The following COA6 variants were observed in gnomAD, a reference collection of about 807,000 sequenced individuals.
The protein encoded by COA6 is cytochrome c oxidase assembly factor 6 homolog.
Under a neutral mutation model 17.1 loss-of-function variants are expected in COA6, and 12 were observed. That is an observed-to-expected ratio of 0.70 (90% CI 0.45 to 1.14). COA6 has a LOEUF of 1.14. Ranked by LOEUF, COA6 falls within the 50% of genes most tolerant of loss-of-function variation. COA6 has a pLI of 0.00. For missense variants in COA6, 246 were observed against 196.5 expected (o/e 1.25, Z -1.51); for synonymous variants, 90 against 73.4 (o/e 1.23, Z -1.16).
chr1:234,380,527 TA>T (rs1658942263), intron 2 of COA6, among the ~76,000 whole-genome samples: 1 of 152,164 alleles, frequency 6.6e-6, no homozygotes, highest in Non-Finnish European at 1.5e-5. Context: ...AGCCACGAAA[TA>T]AAGATAAAAA....
At chr1:234,377,136 G>GTTGTTGTTGTTT (rs1658831260) in intron 2 of COA6, among the ~76,000 whole-genome samples, 2 of 58,974 alleles carry the variant, frequency 3.4e-5, no homozygotes, top group Non-Finnish European at 2.8e-5. Flanking sequence ...TGTTTTTTTT[G>GTTGTTGTTGTTT]TTGTTGTTGA....
chr1:234,376,143 G>A (rs144534055), intron 2 of COA6, among the ~76,000 whole-genome samples: 109 of 152,270 alleles, frequency 7.2e-4, no homozygotes, highest in Non-Finnish European at 1.2e-3. Flanking sequence ...TTTCCCATTA[G>A]ACAGATGCAT....
Position 234,373,577 on chromosome 1 carries a change from T to G in COA6, c.111T>G (p.Ser37Arg). Residue 37 changes from serine (S) to arginine (R), a missense_variant, in exon 1 of 3, where the codon AGT (serine) becomes AGG (arginine). Ser to Arg is a moderately radical substitution (Grantham distance 110). Transcript: ENST00000366615. ...LELEPAGRPC[S>R]GRTRHRALHR... Reference sequence around the variant, plus strand: ...TTGAGCCAGCGGGGCGACCCTGCAGTGGCAGGACTCGGCACCGCGCCCTCC... The same window carrying G: ...TTGAGCCAGCGGGGCGACCCTGCAGGGGCAGGACTCGGCACCGCGCCCTCC... 6.2e-7 allele frequency: 1 copy of G among 1,612,096 alleles called. No individual in the cohort carries two copies. Among genetic ancestry groups the G allele is most frequent in the South Asian group, 1.1e-5 (1 of 91,002 alleles).
chr1:234,376,237 C>T (rs1209774041), intron 2 of COA6, among the ~76,000 whole-genome samples: 1 of 147,478 alleles, frequency 6.8e-6, no homozygotes, highest in Non-Finnish European at 1.5e-5. Flanking sequence ...GCTTTTTCTC[C>T]AGCCTGATGG....
intron 2 of COA6, among the ~76,000 whole-genome samples, chr1:234,378,629 T>G (rs993479774): frequency 2.0e-5 from 3 of 152,150 alleles, no homozygotes; most frequent in Admixed American, 1.3e-4. Flanking sequence ...ATCCCAGCAC[T>G]TTGGGAGGCC....
Position 234,373,540 on chromosome 1 carries a change from C to G in COA6, c.74C>G (p.Thr25Arg). ...VSCFLRLGRS[T>R]LLELEPAGRP... Reference sequence around the variant, plus strand: ...TGCTTTTTGCGGCTGGGGAGGTCTACGCTTCTAGAGCTTGAGCCAGCGGGG... The same window carrying G: ...TGCTTTTTGCGGCTGGGGAGGTCTAGGCTTCTAGAGCTTGAGCCAGCGGGG... Residue 25 changes from threonine to arginine, a missense_variant, in exon 1 of 3, where the codon ACG becomes AGG. Physicochemically the swap from Thr to Arg is moderately conservative, Grantham distance 71. Coordinates refer to ENST00000366615, the MANE Select transcript of COA6 (RefSeq NM_001206641.3). 3 of 1,610,634 alleles carry G rather than the reference C, an allele frequency of 1.9e-6. No homozygotes were observed. In the Middle Eastern group the frequency reaches 5.0e-4, roughly 266 times the overall value.
chr1:234,384,053 T>G lies in COA6; in HGVS notation c.*235T>G. The G allele has an allele frequency of 2.9e-6, 1 of 344,210 alleles. No individual in the cohort carries two copies. The highest frequency in any genetic ancestry group is 5.4e-6 in the Non-Finnish European group (1 of 186,622). The allele number at this position is 344,210 out of a possible 1,614,324, so 21.3% of individuals were successfully genotyped here. ...AAACCTGTTATAAACACATGCACTT[T>G]TGTTTTGTTTTTGTTTTGTTTTTAA... On this transcript the variant is annotated 3_prime_UTR_variant, in exon 3 of 3. Transcript: ENST00000366615.
At chr1:234,376,608 A>G (rs528948678) in intron 2 of COA6, among the ~76,000 whole-genome samples, 87 of 152,316 alleles carry the variant, frequency 5.7e-4, no homozygotes, top group African/African-American at 1.8e-3. Context: ...ACTTCTTCCT[A>G]TGCCTACCAT....
chr1:234,381,212 G>C lies in COA6; in HGVS notation c.373-2511G>C, dbSNP rs568305674. ...ATTTTGGCATTCACACTACTGTCCT[G>C]GGTCTTATTCAGTGGTTTAGAGACC... On this transcript the variant is annotated intron_variant, in intron 2 of 2. Transcript: ENST00000366615. Among the ~76,000 whole-genome samples the C allele has an allele frequency of 7.9e-5, 12 of 152,226 alleles. No individual in the cohort carries two copies. The South Asian group carries it at 2.5e-3, about 32-fold the overall frequency.
chr1:234,382,863 C>T (rs577753257), intron 2 of COA6, among the ~76,000 whole-genome samples: 34 of 152,012 alleles, frequency 2.2e-4, no homozygotes, highest in African/African-American at 7.5e-4. Flanking sequence ...AAAAAGTAGC[C>T]GGGCATGGTA....
intron 2 of COA6, among the ~76,000 whole-genome samples, chr1:234,378,900 CA>C (rs572194220): frequency 1.1e-4 from 16 of 146,436 alleles, no homozygotes; most frequent in African/African-American, 3.6e-4. Flanking sequence ...ACAAAACAAA[CA>C]AAAAAAGCAA....
Sources: allele counts gnomAD v4.1 joint callset (sites outside exome capture counted in the v4.1 genomes callset), GRCh38; gene constraint gnomAD v4.1.1; transcripts MANE v1.5; gene names NCBI Gene and HGNC (gene_info 2026-07-23, HGNC 2026-07-21).